The following NRG1 variants were observed in gnomAD, a reference collection of about 807,000 sequenced individuals.
NRG1 encodes neuregulin 1.
In NRG1, 18 loss-of-function variants were observed where a neutral mutation model predicts 63.8. The ratio of observed to expected loss-of-function variants is 0.28; its 90% CI spans 0.19 to 0.42. The LOEUF (loss-of-function observed/expected upper bound fraction) is 0.42. NRG1 is among the 10% of genes least tolerant of loss of function. NRG1 has a pLI of 1.00. For synonymous variants in NRG1, 302 were observed against 301.3 expected, an observed-to-expected ratio of 1.00 and a Z score of -0.02; for missense variants, 762 against 814.7, an observed-to-expected ratio of 0.94 and a Z score of 0.79.
At chr8:32,232,958 A>G (rs570673497) in intron 1 of NRG1, among the ~76,000 whole-genome samples, 13 of 152,318 alleles carry the variant, frequency 8.5e-5, no homozygotes, top group South Asian at 2.1e-4. Flanking sequence ...AGCTAATTAT[A>G]TAGCTAATTC....
chr8:31,834,873 C>G (rs911432146), intron 1 of NRG1, among the ~76,000 whole-genome samples: 12 of 152,106 alleles, frequency 7.9e-5, no homozygotes, highest in Non-Finnish European at 1.8e-4. Context: ...AGGTTATTTC[C>G]TGGAGCATGT....
intron 1 of NRG1, among the ~76,000 whole-genome samples, chr8:31,657,221 G>A (rs1186925816): frequency 3.9e-5 from 6 of 152,000 alleles, no homozygotes; most frequent in Non-Finnish European, 7.4e-5. Flanking sequence ...TTTTTATATT[G>A]GGTTTTTCCT....
chr8:32,369,425 C>CCAAAACA (rs1808513346), intron 1 of NRG1, among the ~76,000 whole-genome samples: 1 of 152,238 alleles, frequency 6.6e-6, no homozygotes, highest in Non-Finnish European at 1.5e-5. Context: ...AAGGACAATT[C>CCAAAACA]TACTCTGGAA....
chr8:31,663,663 G>A lies in NRG1; in HGVS notation c.37+24232G>A, dbSNP rs116132363. On this transcript the variant is annotated intron_variant, in intron 1 of 10. Coordinates refer to the NRG1 transcript ENST00000519301. The stretch of plus-strand genomic sequence containing the variant: ...TTTGATATAACATTTTGTAGAGTTA[G>A]GAGTCAGGCTTTCATGGGGAAGAGG... Among the ~76,000 whole-genome samples the A allele has an allele frequency of 3.3e-3, 498 of 152,286 alleles. 4 individuals are homozygous for A. Among genetic ancestry groups the A allele is most frequent in the African/African-American group, 0.011 (466 of 41,546 alleles).
At chr8:31,725,787 G>T (rs760263329) in intron 1 of NRG1, among the ~76,000 whole-genome samples, 2 of 152,114 alleles carry the variant, frequency 1.3e-5, no homozygotes, top group African/African-American at 2.4e-5. Context: ...AGGACTTTGT[G>T]TAATGGCATT....
chr8:32,766,048 AC>A (rs1413461892), exon 12 of NRG1: 2 of 152,190 alleles, frequency 1.3e-5, no homozygotes, highest in Non-Finnish European at 2.9e-5. Flanking sequence ...CAAATGGGAA[AC>A]AGGTTATCGG....
chr8:32,483,457 T>G (rs1485329993), intron 1 of NRG1, among the ~76,000 whole-genome samples: 1 of 152,220 alleles, frequency 6.6e-6, no homozygotes, highest in African/African-American at 2.4e-5. Flanking sequence ...ATGAAAGTTA[T>G]GCATTTAGTT....
At chr8:31,864,090 C>G (rs1828723307) in intron 1 of NRG1, among the ~76,000 whole-genome samples, 1 of 152,082 alleles carries the variant, frequency 6.6e-6, no homozygotes, top group South Asian at 2.1e-4. Flanking sequence ...CTGTGAAGGA[C>G]CCTTGATGGT....
At chr8:31,718,833 G>T (rs1054153443) in intron 1 of NRG1, among the ~76,000 whole-genome samples, 3 of 152,148 alleles carry the variant, frequency 2.0e-5, no homozygotes, top group South Asian at 2.1e-4. Flanking sequence ...TATATGTGAT[G>T]ATTAAGAGCA....
At chr8:31,763,994 A>G (rs1024170373) in intron 1 of NRG1, among the ~76,000 whole-genome samples, 1 of 143,634 alleles carries the variant, frequency 7.0e-6, no homozygotes, top group Non-Finnish European at 1.5e-5. Context: ...TGACAGAGCA[A>G]GACTCCATCT....
At chr8:32,507,634 A>T (rs1828689355) in intron 1 of NRG1, among the ~76,000 whole-genome samples, 1 of 152,238 alleles carries the variant, frequency 6.6e-6, no homozygotes, top group South Asian at 2.1e-4. Context: ...AGGTGCCCTT[A>T]TATACTTTTA....
At chr8:32,752,545 C>T (rs1000625457) in intron 7 of NRG1, among the ~76,000 whole-genome samples, 1 of 152,144 alleles carries the variant, frequency 6.6e-6, no homozygotes, top group Admixed American at 6.5e-5. Context: ...ATGGAATGAC[C>T]CTTCCAACTT....
At chr8:32,148,949 T>C (rs1467347784) in intron 1 of NRG1, among the ~76,000 whole-genome samples, 2 of 152,180 alleles carry the variant, frequency 1.3e-5, no homozygotes, top group South Asian at 2.1e-4. Context: ...TTATTTTACA[T>C]TGGGCATCTA....
intron 1 of NRG1, among the ~76,000 whole-genome samples, chr8:31,875,909 AT>A (rs1289137449): frequency 1.3e-5 from 2 of 152,164 alleles, no homozygotes; most frequent in Admixed American, 6.5e-5. Flanking sequence ...GGAGAAGCAG[AT>A]GGCTGCTATT....
chr8:32,053,447 T>A (rs1478037669), intron 1 of NRG1, among the ~76,000 whole-genome samples: 9 of 152,196 alleles, frequency 5.9e-5, no homozygotes, highest in Admixed American at 5.9e-4. Flanking sequence ...TCTGGGACAC[T>A]CTTCTGCTCA....
chr8:32,247,112 TA>T (rs34342943), intron 1 of NRG1, among the ~76,000 whole-genome samples: 86,900 of 149,650 alleles, frequency 0.58, 25,365 homozygotes, highest in African/African-American at 0.64. Context: ...AGTTTTTTTT[TA>T]AAAAAAAGGA....
intron 1 of NRG1, among the ~76,000 whole-genome samples, chr8:32,579,195 CTTTTTTTT>C (rs71208196): frequency 3.7e-4 from 39 of 105,430 alleles, no homozygotes; most frequent in East Asian, 3.2e-3. Context: ...TTTCTTCTGT[CTTTTTTTT>C]TTTTTTTTTT....
intron 6 of NRG1, 159 bp downstream of exon 6, chr8:32,728,237 G>A (rs779983421): frequency 3.7e-5 from 36 of 985,166 alleles, no homozygotes; most frequent in Admixed American, 3.1e-4. Flanking sequence ...CACACCATTC[G>A]TCATCACTCC....
At chr8:31,644,640 G>A (rs1238537569) in intron 1 of NRG1, among the ~76,000 whole-genome samples, 4 of 152,014 alleles carry the variant, frequency 2.6e-5, no homozygotes, top group Non-Finnish European at 5.9e-5. Context: ...GTGATTGGGC[G>A]GGTTATTGCC....
Sources: gnomAD v4.1 joint callset for allele counts (sites outside exome capture counted in the v4.1 genomes callset) on GRCh38, gnomAD v4.1.1 for gene constraint, MANE v1.5 for transcripts, NCBI Gene and HGNC (gene_info 2026-07-23, HGNC 2026-07-21) for gene names.